The following RBMS3 variants were observed in gnomAD, a reference collection of about 807,000 sequenced individuals.
RBMS3 encodes RNA-binding motif, single-stranded-interacting protein 3.
In RBMS3, 27 loss-of-function variants were observed where a neutral mutation model predicts 66.8. That is an observed-to-expected ratio of 0.40 (90% CI 0.30 to 0.56). The LOEUF is 0.56. Among genes scored for constraint, RBMS3 ranks in the 20% least tolerant of loss-of-function variants. RBMS3 has a pLI of 0.40. For missense variants in RBMS3, 513 were observed against 549.5 expected (o/e 0.93, Z 0.66); for synonymous variants, 188 against 183.0 (o/e 1.03, Z -0.22).
chr3:29,523,939 G>A (rs1423615069), intron 3 of RBMS3, among the ~76,000 whole-genome samples: 4 of 151,980 alleles, frequency 2.6e-5, no homozygotes, highest in Admixed American at 1.3e-4. Context: ...GTCCCCGTAT[G>A]TTGCCCAGGC....
At chr3:29,622,231 C>A (rs1442093009) in intron 4 of RBMS3, among the ~76,000 whole-genome samples, 2 of 152,228 alleles carry the variant, frequency 1.3e-5, no homozygotes, top group Non-Finnish European at 1.5e-5. Flanking sequence ...GGGCTTACAT[C>A]TGGGGAAGTG....
chr3:29,802,140 C>G (rs190377591), intron 6 of RBMS3, among the ~76,000 whole-genome samples: 3 of 152,278 alleles, frequency 2.0e-5, no homozygotes, highest in Admixed American at 1.3e-4. Context: ...CACTCTTGCT[C>G]TACTGTTAAA....
chr3:29,935,649 G>C (rs2061247404), intron 10 of RBMS3, among the ~76,000 whole-genome samples: 2 of 152,036 alleles, frequency 1.3e-5, no homozygotes, highest in East Asian at 3.9e-4. Context: ...GTATTGGGGT[G>C]ACTAAGAATT....
chr3:29,809,800 C>T (rs530827504), intron 6 of RBMS3, among the ~76,000 whole-genome samples: 7 of 151,780 alleles, frequency 4.6e-5, no homozygotes, highest in Admixed American at 2.0e-4. Context: ...CAGTTTAGGC[C>T]GAAATGCTTT....
At chr3:29,827,395 G>A (rs909168406) in intron 6 of RBMS3, among the ~76,000 whole-genome samples, 3 of 152,108 alleles carry the variant, frequency 2.0e-5, no homozygotes, top group South Asian at 2.1e-4. Context: ...ATGGTCAATC[G>A]CTTTCTTGTG....
intron 4 of RBMS3, among the ~76,000 whole-genome samples, chr3:29,677,713 T>C (rs1282211263): frequency 3.3e-5 from 5 of 152,160 alleles, no homozygotes; most frequent in Non-Finnish European, 7.4e-5. Flanking sequence ...CTTCTTTTTA[T>C]TGGGTTTTCT....
chr3:29,998,500 A>G (rs1221620816), intron 14 of RBMS3, among the ~76,000 whole-genome samples: 1 of 152,222 alleles, frequency 6.6e-6, no homozygotes. Context: ...GCATCACGCT[A>G]CCTGACTTCA....
intron 4 of RBMS3, among the ~76,000 whole-genome samples, chr3:29,668,867 A>G (rs1323481663): frequency 6.6e-6 from 1 of 152,232 alleles, no homozygotes; most frequent in African/African-American, 2.4e-5. Context: ...TTCATTGTAA[A>G]ATAGATAAAG....
intron 4 of RBMS3, among the ~76,000 whole-genome samples, chr3:29,612,167 A>G (rs762030358): frequency 6.6e-6 from 1 of 152,102 alleles, no homozygotes; most frequent in Non-Finnish European, 1.5e-5. Context: ...GATTGTTATT[A>G]TGAATAACAA....
At chr3:29,682,738 A>G (rs953236278) in intron 4 of RBMS3, among the ~76,000 whole-genome samples, 13 of 152,204 alleles carry the variant, frequency 8.5e-5, no homozygotes, top group Admixed American at 8.5e-4. Flanking sequence ...GTGTCCTATT[A>G]AAACAGCTAA....
chr3:29,849,566 G>C (rs1182172284), intron 6 of RBMS3, among the ~76,000 whole-genome samples: 2 of 149,208 alleles, frequency 1.3e-5, no homozygotes, highest in Non-Finnish European at 3.0e-5. Flanking sequence ...GTTTGTTTTT[G>C]TCAACTGTAG....
intron 2 of RBMS3, among the ~76,000 whole-genome samples, chr3:29,440,904 G>C (rs924888850): frequency 6.6e-6 from 1 of 152,182 alleles, no homozygotes; most frequent in Non-Finnish European, 1.5e-5. Flanking sequence ...TAATCTGTCA[G>C]ACTGTTCAGA....
At chr3:29,383,915 C>T (rs1252015122) in intron 1 of RBMS3, among the ~76,000 whole-genome samples, 1 of 152,202 alleles carries the variant, frequency 6.6e-6, no homozygotes, top group East Asian at 1.9e-4. Flanking sequence ...GTGAAGTACT[C>T]AGCCCATAGT....
intron 4 of RBMS3, among the ~76,000 whole-genome samples, chr3:29,655,373 G>A (rs2050289478): frequency 6.6e-6 from 1 of 152,162 alleles, no homozygotes; most frequent in Non-Finnish European, 1.5e-5. Flanking sequence ...AAGTAGCAAT[G>A]AGAATTCTGA....
At chr3:29,596,315 C>T (rs1256840513) in intron 4 of RBMS3, among the ~76,000 whole-genome samples, 6 of 152,068 alleles carry the variant, frequency 3.9e-5, no homozygotes, top group African/African-American at 4.8e-5. Flanking sequence ...TACAGACTAC[C>T]GAGGTTCACG....
intron 4 of RBMS3, among the ~76,000 whole-genome samples, chr3:29,678,119 C>T (rs534425629): frequency 1.3e-5 from 2 of 152,262 alleles, no homozygotes; most frequent in South Asian, 4.1e-4. Flanking sequence ...CCATCATGCT[C>T]AGCTCTGGTT....
rs181581075 is a variant in RBMS3 at position 29,420,523 on chromosome 3, C to T, written c.76-14220C>T. ...GAAATGACGTGACTCAGTTGTTAGA[C>T]TGCTTAAAGGTAAAAATCAGTGGTG... On this transcript the variant is annotated intron_variant, in intron 1 of 14. Coordinates refer to ENST00000383767, the MANE Select transcript of RBMS3 (RefSeq NM_001003793.3). Among the ~76,000 whole-genome samples the T allele has an allele frequency of 4.1e-3, 626 of 151,944 alleles. 4 individuals are homozygous for T. Among genetic ancestry groups the T allele is most frequent in the Middle Eastern group, 0.021 (6 of 292 alleles).
chr3:29,416,389 AG>A (rs2040478001), intron 1 of RBMS3, among the ~76,000 whole-genome samples: 1 of 152,100 alleles, frequency 6.6e-6, no homozygotes, highest in South Asian at 2.1e-4. Flanking sequence ...GGCCATCCAA[AG>A]TGTATAAAAT....
chr3:29,880,695 G>T, intron 7 of RBMS3: 1 of 1,287,034 alleles, frequency 7.8e-7, no homozygotes, highest in East Asian at 2.5e-5. Flanking sequence ...ACAACCCTTT[G>T]CTTAACCCAT....
Sources: gnomAD v4.1 joint callset for allele counts (sites outside exome capture counted in the v4.1 genomes callset) on GRCh38, gnomAD v4.1.1 for gene constraint, MANE v1.5 for transcripts, NCBI Gene and HGNC (gene_info 2026-07-23, HGNC 2026-07-21) for gene names.